Variants in CPNE4 observed in about 807,000 individuals in gnomAD.
CPNE4 encodes the protein copine 4.
CPNE4 carries 25 observed loss-of-function variants against 67.9 expected under a neutral mutation model. That is an observed-to-expected ratio of 0.37 (90% CI 0.27 to 0.51). The LOEUF (loss-of-function observed/expected upper bound fraction) is 0.51, where lower values mean the gene tolerates loss of function less well. CPNE4 is among the 20% of genes least tolerant of loss of function. The pLI is 0.93. For missense variants in CPNE4, 464 were observed against 690.8 expected (o/e 0.67, Z 3.68); for synonymous variants, 242 against 244.9 (o/e 0.99, Z 0.11).
chr3:131,918,919 G>A (rs763159997), intron 1 of CPNE4, among the ~76,000 whole-genome samples: 2 of 152,180 alleles, frequency 1.3e-5, no homozygotes, highest in Non-Finnish European at 2.9e-5. Context: ...AAGAATAACA[G>A]GTAGAGGCAT....
Position 131,717,846 on chromosome 3 carries a change from C to CTTCCTCACTCCCTTTCT in CPNE4, c.360+5599_360+5600insAGAAAGGGAGTGAGGAA, listed in dbSNP as rs1553758796. 1.2e-4 allele frequency among the ~76,000 whole-genome samples: 5 copies of CTTCCTCACTCCCTTTCT among 40,142 alleles called. No individual in the cohort carries two copies. The South Asian group carries it at 2.8e-3, about 22-fold the overall frequency. 26.3% of individuals were successfully genotyped at this position (40,142 alleles called of 152,430 possible). A position where few individuals can be genotyped will look rare whatever the true frequency, so the allele number is the denominator to read the frequency against. ...GTGATCTTTCTTCCTTCCTTCCTTC[C>CTTCCTCACTCCCTTTCT]TTCCTCGCTCCCTCCTTTCTTTCTT... On this transcript the variant is annotated intron_variant, in intron 3 of 15. Transcript: ENST00000429747.
At chr3:131,581,041 C>T (rs975399854) in intron 9 of CPNE4, among the ~76,000 whole-genome samples, 6 of 151,780 alleles carry the variant, frequency 4.0e-5, no homozygotes, top group African/African-American at 1.5e-4. Context: ...GGCGTGGTGG[C>T]GGGCACCTGT....
chr3:131,565,681 A>AT (rs1381868123), intron 10 of CPNE4, among the ~76,000 whole-genome samples: 4 of 151,972 alleles, frequency 2.6e-5, no homozygotes, highest in African/African-American at 9.6e-5. Flanking sequence ...CATCTGTGTT[A>AT]TGTTTTTCTT....
intron 2 of CPNE4, among the ~76,000 whole-genome samples, chr3:131,808,462 A>C: frequency 6.6e-6 from 1 of 152,170 alleles, no homozygotes; most frequent in East Asian, 1.9e-4. Flanking sequence ...TACTTTGATA[A>C]GGTGTCAGTG....
chr3:131,907,681 G>A (rs183968314), intron 1 of CPNE4, among the ~76,000 whole-genome samples: 7 of 152,108 alleles, frequency 4.6e-5, no homozygotes, highest in Admixed American at 2.0e-4. Flanking sequence ...ATTTATCTGC[G>A]GTTGCTTTCA....
At chr3:131,859,469 T>G (rs988459072) in intron 2 of CPNE4, among the ~76,000 whole-genome samples, 2 of 152,174 alleles carry the variant, frequency 1.3e-5, no homozygotes, top group South Asian at 4.1e-4. Context: ...CTGTTTCAAT[T>G]ACTTTCCCTC....
chr3:131,827,174 C>T (rs942417517), intron 2 of CPNE4, among the ~76,000 whole-genome samples: 1 of 152,202 alleles, frequency 6.6e-6, no homozygotes, highest in Non-Finnish European at 1.5e-5. Context: ...GCCCAGTTCT[C>T]AATTGCTTTT....
At chr3:131,819,655 G>A (rs2084887907) in intron 2 of CPNE4, among the ~76,000 whole-genome samples, 1 of 152,100 alleles carries the variant, frequency 6.6e-6, no homozygotes, top group East Asian at 1.9e-4. Flanking sequence ...AGCAACCACG[G>A]TTGCCAACAG....
At chr3:131,988,165 C>T (rs1340396965) in intron 1 of CPNE4, among the ~76,000 whole-genome samples, 1 of 152,124 alleles carries the variant, frequency 6.6e-6, no homozygotes, top group East Asian at 1.9e-4. Context: ...TTTACTCATC[C>T]CAAATGAGAT....
intron 1 of CPNE4, among the ~76,000 whole-genome samples, chr3:131,981,471 G>A (rs2107637220): frequency 6.6e-6 from 1 of 152,116 alleles, no homozygotes; most frequent in African/African-American, 2.4e-5. Flanking sequence ...CAGGGAAGTG[G>A]GGGAAAGCTG....
At chr3:131,663,742 G>A (rs1183099576) in intron 7 of CPNE4, among the ~76,000 whole-genome samples, 4 of 152,080 alleles carry the variant, frequency 2.6e-5, no homozygotes, top group South Asian at 2.1e-4. Flanking sequence ...TAAGATAGAC[G>A]GCGCAAAGAA....
intron 7 of CPNE4, among the ~76,000 whole-genome samples, chr3:131,652,676 T>TAC (rs758660464): frequency 1.3e-5 from 2 of 152,180 alleles, no homozygotes; most frequent in South Asian, 4.2e-4. Context: ...CTTCTAGTCA[T>TAC]ACACACACAT....
At chr3:131,716,140 G>C (rs896203224) in intron 3 of CPNE4, among the ~76,000 whole-genome samples, 1 of 152,062 alleles carries the variant, frequency 6.6e-6, no homozygotes, top group Non-Finnish European at 1.5e-5. Flanking sequence ...CATGCTTAAG[G>C]CTTCTATTTT....
At chr3:131,758,391 A>G (rs957667010) in intron 2 of CPNE4, among the ~76,000 whole-genome samples, 1 of 152,180 alleles carries the variant, frequency 6.6e-6, no homozygotes, top group African/African-American at 2.4e-5. Context: ...TTAGACTTGC[A>G]TGGACCCTGT....
At chr3:131,983,420 A>G (rs186890175) in intron 1 of CPNE4, among the ~76,000 whole-genome samples, 1 of 152,280 alleles carries the variant, frequency 6.6e-6, no homozygotes, top group East Asian at 1.9e-4. Context: ...TACGACGTGG[A>G]GCTGCACAAA....
At chr3:131,728,872 T>C (rs1284143323) in intron 2 of CPNE4, among the ~76,000 whole-genome samples, 2 of 131,684 alleles carry the variant, frequency 1.5e-5, no homozygotes, top group East Asian at 2.2e-4. Flanking sequence ...ATCAGGCCAC[T>C]GCACTCCAGC....
intron 2 of CPNE4, among the ~76,000 whole-genome samples, chr3:131,847,330 A>G (rs1183562662): frequency 6.6e-6 from 1 of 152,210 alleles, no homozygotes; most frequent in East Asian, 1.9e-4. Context: ...TCCAGTAAAG[A>G]AGGGAATTCC....
At chr3:131,733,837 C>A (rs2082179599) in intron 2 of CPNE4, among the ~76,000 whole-genome samples, 1 of 152,180 alleles carries the variant, frequency 6.6e-6, no homozygotes, top group Non-Finnish European at 1.5e-5. Flanking sequence ...GGATGGAGAG[C>A]CTTGGTTTTC....
chr3:132,029,175 A>G (rs547610450), intron 1 of CPNE4, among the ~76,000 whole-genome samples: 12 of 152,274 alleles, frequency 7.9e-5, no homozygotes, highest in African/African-American at 2.9e-4. Flanking sequence ...AACAGGCCCA[A>G]GTGTAAGGAA....
Sources: allele counts gnomAD v4.1 joint callset (sites outside exome capture counted in the v4.1 genomes callset), GRCh38; gene constraint gnomAD v4.1.1; transcripts MANE v1.5; gene names NCBI Gene and HGNC (gene_info 2026-07-23, HGNC 2026-07-21).